Variants in PDE11A observed in about 807,000 individuals in gnomAD.
PDE11A encodes dual 3',5'-cyclic-AMP and -GMP phosphodiesterase 11A.
A neutral mutation model predicts 100.5 loss-of-function variants in PDE11A; 100 were observed. That is an observed-to-expected ratio of 1.00 (90% CI 0.85 to 1.18). The LOEUF (loss-of-function observed/expected upper bound fraction) is 1.18. PDE11A is among the 50% of genes most tolerant of loss of function. PDE11A has a pLI of 0.00. For synonymous variants in PDE11A, 381 were observed against 420.8 expected, an observed-to-expected ratio of 0.91 and a Z score of 1.16; for missense variants, 1,141 against 1,152.6, an observed-to-expected ratio of 0.99 and a Z score of 0.15.
chr2:177,728,657 T>C (rs374479039), intron 10 of PDE11A, among the ~76,000 whole-genome samples: 19 of 152,292 alleles, frequency 1.2e-4, no homozygotes, highest in African/African-American at 4.3e-4. Flanking sequence ...TACACACGTG[T>C]TCTGTATATT....
chr2:177,768,644 A>C (rs1198349295), intron 10 of PDE11A, among the ~76,000 whole-genome samples: 1 of 152,224 alleles, frequency 6.6e-6, no homozygotes, highest in African/African-American at 2.4e-5. Flanking sequence ...AGGAAATGGT[A>C]GTAACTAAGG....
At chr2:177,855,656 T>C (rs1305963026) in intron 5 of PDE11A, among the ~76,000 whole-genome samples, 3 of 152,036 alleles carry the variant, frequency 2.0e-5, no homozygotes, top group East Asian at 3.9e-4. Context: ...GAAACCTCCA[T>C]TCACAGAACT....
chr2:177,845,542 C>T (rs1158799191), intron 5 of PDE11A, among the ~76,000 whole-genome samples: 2 of 150,958 alleles, frequency 1.3e-5, no homozygotes, highest in Non-Finnish European at 3.0e-5. Context: ...TCCTCACTTT[C>T]CAGACTGGGC....
chr2:177,986,785 C>T (rs545468423), intron 2 of PDE11A, among the ~76,000 whole-genome samples: 74 of 149,062 alleles, frequency 5.0e-4, no homozygotes, highest in African/African-American at 1.7e-3. Context: ...GAGCTGAGAT[C>T]GTGTCACTGC....
At chr2:178,059,269 T>C (rs920718428) in intron 1 of PDE11A, among the ~76,000 whole-genome samples, 5 of 152,170 alleles carry the variant, frequency 3.3e-5, no homozygotes, top group African/African-American at 1.2e-4. Flanking sequence ...GTCCAGGGTA[T>C]GGGTATGGGG....
chr2:177,931,899 T>A (rs2085210403), intron 2 of PDE11A, among the ~76,000 whole-genome samples: 3 of 96,006 alleles, frequency 3.1e-5, no homozygotes, highest in African/African-American at 8.3e-5. Context: ...AATAGACCAC[T>A]AGCTAGATTA....
chr2:178,032,999 T>G (rs1009737205), intron 1 of PDE11A, among the ~76,000 whole-genome samples: 1 of 152,150 alleles, frequency 6.6e-6, no homozygotes, highest in Non-Finnish European at 1.5e-5. Flanking sequence ...CTCCTCCAAG[T>G]GGTTACAACC....
chr2:177,778,954 T>C (rs2082415749), intron 9 of PDE11A, among the ~76,000 whole-genome samples: 2 of 133,274 alleles, frequency 1.5e-5, no homozygotes, highest in Admixed American at 1.4e-4. Context: ...CTAAGAAAGA[T>C]TCATTTTTTT....
intron 2 of PDE11A, among the ~76,000 whole-genome samples, chr2:177,970,013 A>G (rs915754668): frequency 2.6e-5 from 4 of 152,196 alleles, no homozygotes; most frequent in African/African-American, 9.6e-5. Flanking sequence ...AATGAATGTT[A>G]GTGACTTTAA....
intron 1 of PDE11A, among the ~76,000 whole-genome samples, chr2:178,032,331 AGCTTGG>A (rs1158610745): frequency 6.6e-6 from 1 of 152,126 alleles, no homozygotes; most frequent in Non-Finnish European, 1.5e-5. Context: ...TAAAATTAAG[AGCTTGG>A]GCTGGGCGTG....
Position 177,728,850 on chromosome 2 carries a change from C to A in PDE11A, c.1789-678G>T, listed in dbSNP as rs555523656. On this transcript the variant is annotated intron_variant, in intron 10 of 19. Transcript: ENST00000286063. ...AATTACAATACTGGTCATACATATT[C>A]AAGGTTTTCAAAACACCCATGTTAG... Among the ~76,000 whole-genome samples the A allele has an allele frequency of 4.6e-5, 7 of 152,142 alleles. No individual in the cohort carries two copies. The South Asian group carries it at 1.2e-3, about 27-fold the overall frequency.
intron 9 of PDE11A, among the ~76,000 whole-genome samples, chr2:177,788,760 A>C (rs2082580529): frequency 6.6e-6 from 1 of 152,134 alleles, no homozygotes; most frequent in African/African-American, 2.4e-5. Flanking sequence ...ACTACAAACA[A>C]CTCTACTCAA....
intron 13 of PDE11A, among the ~76,000 whole-genome samples, chr2:177,704,490 G>T (rs553549723): frequency 4.6e-5 from 7 of 151,948 alleles, no homozygotes; most frequent in Non-Finnish European, 8.8e-5. Context: ...GGCCCATTAG[G>T]AATGCTGCCT....
At chr2:177,711,431 C>G (rs1270724776) in intron 13 of PDE11A, among the ~76,000 whole-genome samples, 1 of 152,170 alleles carries the variant, frequency 6.6e-6, no homozygotes, top group Non-Finnish European at 1.5e-5. Flanking sequence ...CAGTCTCACA[C>G]CAGAGTTTGA....
At chr2:178,012,136 A>C (rs2105825838) in intron 2 of PDE11A, 2 of 152,292 alleles carry the variant, frequency 1.3e-5, no homozygotes, top group East Asian at 3.9e-4. Flanking sequence ...ACCTGCACTA[A>C]CTGGTAGGAC....
chr2:178,070,065 C>T (rs1288075003), intron 1 of PDE11A, among the ~76,000 whole-genome samples: 1 of 152,032 alleles, frequency 6.6e-6, no homozygotes, highest in Non-Finnish European at 1.5e-5. Flanking sequence ...TAATTTGTGA[C>T]AAAATTTTTA....
intron 14 of PDE11A, among the ~76,000 whole-genome samples, chr2:177,699,897 G>T (rs2081172241): frequency 6.6e-6 from 1 of 152,182 alleles, no homozygotes; most frequent in Non-Finnish European, 1.5e-5. Flanking sequence ...AGTGAGTGGG[G>T]TTTGTTTCCC....
rs1434938920 is a variant in PDE11A, at chr2:177,850,466, G to T, written c.1368-10083C>A. On this transcript the variant is annotated intron_variant, in intron 5 of 19. Coordinates refer to ENST00000286063, the MANE Select transcript of PDE11A (RefSeq NM_016953.4). ...AACCCAGGCAATACCATTCAGGACAGAGGCATGGGCAAGGACTTCATGTCT... is the reference window on the plus strand; with the variant it reads ...AACCCAGGCAATACCATTCAGGACATAGGCATGGGCAAGGACTTCATGTCT... 6.0e-4 allele frequency among the ~76,000 whole-genome samples: 92 copies of T among 152,230 alleles called. 1 individual carries two copies. The highest frequency in any genetic ancestry group is 8.3e-4 in the South Asian group (4 of 4,814).
chr2:177,717,646 C>T (rs962425556), intron 12 of PDE11A, among the ~76,000 whole-genome samples: 10 of 152,034 alleles, frequency 6.6e-5, no homozygotes, highest in Non-Finnish European at 1.3e-4. Context: ...GGCATATAAA[C>T]CTATTTCCCA....
Sources: gnomAD v4.1 joint callset for allele counts (sites outside exome capture counted in the v4.1 genomes callset) on GRCh38, gnomAD v4.1.1 for gene constraint, MANE v1.5 for transcripts, NCBI Gene and HGNC (gene_info 2026-07-23, HGNC 2026-07-21) for gene names.